Variants in KCNMA1 observed in about 807,000 individuals in gnomAD.
KCNMA1 encodes Calcium-activated potassium channel subunit alpha-1.
A neutral mutation model predicts 140.0 loss-of-function variants in KCNMA1; 29 were observed. The observed-to-expected ratio is 0.21, with a 90% CI of 0.15 to 0.28. The LOEUF is 0.28. KCNMA1 is among the 10% of genes least tolerant of loss of function. The pLI, the probability that KCNMA1 is intolerant of heterozygous loss-of-function variation, is 1.00. For missense variants in KCNMA1, 880 were observed against 1,602.2 expected (o/e 0.55, Z 7.70); for synonymous variants, 612 against 611.9 (o/e 1.00, Z 0.00).
chr10:77,285,197 T>C (rs1474560245), intron 2 of KCNMA1, among the ~76,000 whole-genome samples: 1 of 152,222 alleles, frequency 6.6e-6, no homozygotes, highest in Non-Finnish European at 1.5e-5. Flanking sequence ...ATGTATATTT[T>C]TAGAAAGCAT....
chr10:77,505,871 C>T (rs2045615823), intron 1 of KCNMA1, among the ~76,000 whole-genome samples: 3 of 152,158 alleles, frequency 2.0e-5, no homozygotes, highest in African/African-American at 4.8e-5. Flanking sequence ...TCAGAAATGA[C>T]AGAGTCACGA....
rs199970585 is a variant in KCNMA1 at position 76,944,864 on chromosome 10, C to T, written c.2811G>A (p.Ser937=). ...SANQNNIDDT[S]LQDKECILAS... ...CCAAGATGCATTCCTTGTCCTGCAGCGAAGTATCATCAATATTATTCTGAT... is the reference window on the plus strand; with the variant it reads ...CCAAGATGCATTCCTTGTCCTGCAGTGAAGTATCATCAATATTATTCTGAT... The change falls in exon 23 of 28, where the codon TCG becomes TCA. Residue 937 remains serine (S), a synonymous_variant. Transcript: ENST00000286628. 13 of 1,613,882 alleles carry T rather than the reference C, an allele frequency of 8.1e-6. No homozygotes were observed. The highest frequency in any genetic ancestry group is 6.7e-5 in the African/African-American group (5 of 74,876).
chr10:77,586,748 G>A (rs558232569), intron 1 of KCNMA1, among the ~76,000 whole-genome samples: 3 of 152,184 alleles, frequency 2.0e-5, no homozygotes, highest in Non-Finnish European at 4.4e-5. Flanking sequence ...TACCAGTGGA[G>A]TACTTATTTG....
chr10:77,329,924 C>A (rs1055181591), intron 2 of KCNMA1, among the ~76,000 whole-genome samples: 1 of 152,230 alleles, frequency 6.6e-6, no homozygotes, highest in Non-Finnish European at 1.5e-5. Context: ...AGATAATGCA[C>A]CCGAATAGCT....
At chr10:77,186,722 G>A (rs963688317) in intron 3 of KCNMA1, among the ~76,000 whole-genome samples, 11 of 151,696 alleles carry the variant, frequency 7.3e-5, no homozygotes, top group Admixed American at 5.9e-4. Context: ...AAATCCTATA[G>A]ACTCCAGGGT....
downstream of KCNMA1, chr10:76,874,339 A>G (rs1021275741): frequency 1.3e-5 from 2 of 152,212 alleles, no homozygotes; most frequent in Admixed American, 6.5e-5. Context: ...AATAGTCTGC[A>G]TGGGCTTAGC....
rs115470778 is a variant in KCNMA1 at position 77,100,757 on chromosome 10, C to T, written c.1223+7724G>A. On this transcript the variant is annotated intron_variant, in intron 9 of 27. Transcript: ENST00000286628. ...CTAGTCTGGATGGCTGCAATTGTTC[C>T]TGAGATTCTGAATCTACCCGGCAAG... Among the ~76,000 whole-genome samples the T allele has an allele frequency of 9.6e-3, 1,469 of 152,276 alleles. 17 individuals are homozygous for T. Among genetic ancestry groups the T allele is most frequent in the African/African-American group, 0.033 (1,375 of 41,548 alleles).
chr10:77,616,108 T>G (rs955111848), intron 1 of KCNMA1, among the ~76,000 whole-genome samples: 1 of 152,220 alleles, frequency 6.6e-6, no homozygotes, highest in Non-Finnish European at 1.5e-5. Context: ...AATTCCAAAC[T>G]AGGCTAAGAG....
chr10:77,484,332 A>C (rs1252340289), intron 1 of KCNMA1, among the ~76,000 whole-genome samples: 2 of 152,248 alleles, frequency 1.3e-5, no homozygotes, highest in Non-Finnish European at 2.9e-5. Context: ...AGAGCTACTG[A>C]AAGAAGGAAG....
intron 1 of KCNMA1, among the ~76,000 whole-genome samples, chr10:77,409,190 C>G (rs4980144): frequency 0.13 from 20,394 of 152,184 alleles, 2,513 homozygotes; most frequent in African/African-American, 0.33. Flanking sequence ...GGCCTGACTG[C>G]ACCCCATCAC....
chr10:77,521,058 C>T (rs184889111), intron 1 of KCNMA1, among the ~76,000 whole-genome samples: 2 of 152,220 alleles, frequency 1.3e-5, no homozygotes, highest in Non-Finnish European at 2.9e-5. Flanking sequence ...ACTGCTACGA[C>T]GTGTCAGCCT....
intron 1 of KCNMA1, among the ~76,000 whole-genome samples, chr10:77,484,110 C>A (rs2098435041): frequency 6.6e-6 from 1 of 152,192 alleles, no homozygotes; most frequent in South Asian, 2.1e-4. Flanking sequence ...CTTTTTTCTC[C>A]TCTCTCATTT....
At chr10:77,055,188 C>G (rs969381576) in intron 14 of KCNMA1, among the ~76,000 whole-genome samples, 9 of 152,178 alleles carry the variant, frequency 5.9e-5, no homozygotes, top group African/African-American at 1.9e-4. Context: ...AAGACCTGGA[C>G]AGAATGCATG....
intron 29 of KCNMA1, chr10:76,878,030 A>G: frequency 1.2e-6 from 1 of 802,508 alleles, no homozygotes; most frequent in Non-Finnish European, 2.1e-6. Context: ...TTGCTAAGAG[A>G]GACAGTGCAG....
At chr10:77,313,421 C>A (rs577965538) in intron 2 of KCNMA1, among the ~76,000 whole-genome samples, 1 of 152,196 alleles carries the variant, frequency 6.6e-6, no homozygotes. Context: ...AGGGCCTTCA[C>A]AGCACTGCCA....
At chr10:76,973,063 G>A (rs1290718998) in intron 19 of KCNMA1, 2 of 152,152 alleles carry the variant, frequency 1.3e-5, no homozygotes, top group Non-Finnish European at 2.9e-5. Context: ...AAAGACAAAC[G>A]TGTTGAAGTA....
At chr10:77,402,631 C>T (rs1419631488) in intron 2 of KCNMA1, among the ~76,000 whole-genome samples, 1 of 152,288 alleles carries the variant, frequency 6.6e-6, no homozygotes, top group East Asian at 1.9e-4. Flanking sequence ...TGATATTGAT[C>T]CCAGACATAA....
chr10:77,407,925 A>C (rs1361680862), intron 1 of KCNMA1, among the ~76,000 whole-genome samples: 1 of 152,202 alleles, frequency 6.6e-6, no homozygotes, highest in African/African-American at 2.4e-5. Context: ...CACAGAATGG[A>C]GGATAAGGAG....
At chr10:77,572,090 G>A (rs2071602092) in intron 1 of KCNMA1, among the ~76,000 whole-genome samples, 1 of 152,166 alleles carries the variant, frequency 6.6e-6, no homozygotes, top group East Asian at 1.9e-4. Flanking sequence ...GAGCAGAGTG[G>A]ATGGGGAAAG....
Sources: gnomAD v4.1 joint callset for allele counts (sites outside exome capture counted in the v4.1 genomes callset) on GRCh38, gnomAD v4.1.1 for gene constraint, MANE v1.5 for transcripts, NCBI Gene and HGNC (gene_info 2026-07-23, HGNC 2026-07-21) for gene names.